BUD13: variants seen among roughly 807,000 people sequenced by gnomAD.
The protein encoded by BUD13 is BUD13 homolog.
A neutral mutation model predicts 62.5 loss-of-function variants in BUD13; 47 were observed. That is an observed-to-expected ratio of 0.75 (90% confidence interval 0.60 to 0.96). The LOEUF (loss-of-function observed/expected upper bound fraction) is 0.96, where lower values mean the gene tolerates loss of function less well. Among genes scored for constraint, BUD13 ranks in the 40% least tolerant of loss-of-function variants. BUD13 has a pLI of 0.00. For synonymous variants in BUD13, 293 were observed against 280.1 expected, an observed-to-expected ratio of 1.05 and a Z score of -0.46; for missense variants, 821 against 790.9, an observed-to-expected ratio of 1.04 and a Z score of -0.46.
intron 1 of BUD13, 90 bp downstream of exon 1, chr11:116,772,732 A>C: frequency 7.1e-7 from 1 of 1,402,724 alleles, no homozygotes. Flanking sequence ...GAGACCCGCC[A>C]AGAGGGAAGG....
intron 1 of BUD13, 118 bp downstream of exon 1, chr11:116,772,704 G>A: frequency 7.5e-7 from 1 of 1,328,466 alleles, no homozygotes; most frequent in South Asian, 1.6e-5. Context: ...CATGAGCAGG[G>A]GTCGGCGGAG....
At chr11:116,768,507 T>G (rs75348510) in intron 2 of BUD13, among the ~76,000 whole-genome samples, 2,141 of 152,308 alleles carry the variant, frequency 0.014, 28 homozygotes, top group African/African-American at 0.043. Flanking sequence ...AACATGCAAG[T>G]GTTTATTCTT....
chr11:116,762,753 G>C lies in BUD13; in HGVS notation c.836C>G (p.Thr279Ser). Reference protein sequence around the residue: ...HDSPDLAPNVTYSLPRTKSGK... With the variant: ...HDSPDLAPNVSYSLPRTKSGK... ...ACTTTTGGTTCTGGGCAGGGAATAAGTGACATTAGGAGCCAAATCAGGGGA... is the reference window on the plus strand; with the variant it reads ...ACTTTTGGTTCTGGGCAGGGAATAACTGACATTAGGAGCCAAATCAGGGGA... The change falls in exon 4 of 10, where the codon ACT becomes AGT. Residue 279 changes from threonine to serine, a missense_variant. Physicochemically the swap from Thr to Ser is moderately conservative, Grantham distance 58. This residue lies in a region of BUD13 where 800 missense variants were observed against 739.2 expected (regional missense o/e 1.08). Coordinates refer to ENST00000260210, the MANE Select transcript of BUD13 (RefSeq NM_032725.4). 6.2e-7 allele frequency: 1 copy of C among 1,614,190 alleles called. No individual in the cohort carries two copies. The highest frequency in any genetic ancestry group is 1.1e-5 in the South Asian group (1 of 91,084).
chr11:116,761,440 A>C (rs1940430819), intron 4 of BUD13, among the ~76,000 whole-genome samples: 1 of 152,234 alleles, frequency 6.6e-6, no homozygotes, highest in African/African-American at 2.4e-5. Context: ...ATGAAGAATT[A>C]TCATTAACCT....
intron 5 of BUD13, 152 bp from the exon 6 acceptor site, chr11:116,759,331 A>C (rs1437517079): frequency 1.7e-6 from 1 of 573,456 alleles, no homozygotes; most frequent in African/African-American, 1.9e-5. Flanking sequence ...CATAGGATTC[A>C]AAAACTATAA....
intron 9 of BUD13, among the ~76,000 whole-genome samples, chr11:116,751,169 ACTGT>A (rs1450110700): frequency 6.6e-6 from 1 of 152,204 alleles, no homozygotes; most frequent in East Asian, 1.9e-4. Context: ...CAGCGTTGAA[ACTGT>A]CTGTCTTCTA....
chr11:116,749,008 A>T (rs1423221178), intron 9 of BUD13, among the ~76,000 whole-genome samples: 3 of 151,174 alleles, frequency 2.0e-5, no homozygotes. Context: ...AAAAGAAAGA[A>T]AGAAACAAAA....
intron 2 of BUD13, among the ~76,000 whole-genome samples, chr11:116,768,323 G>A (rs1185886261): frequency 6.6e-6 from 1 of 151,980 alleles, no homozygotes; most frequent in African/African-American, 2.4e-5. Flanking sequence ...AATATTTTAA[G>A]GTCTTACCAG....
chr11:116,757,286 G>T, intron 8 of BUD13, 59 bp from the exon 9 acceptor site: 1 of 1,487,594 alleles, frequency 6.7e-7, no homozygotes, highest in Admixed American at 1.8e-5. Context: ...TTCAGAGCTG[G>T]ATGGCAATGT....
rs1236358470 is a variant in BUD13 at position 116,757,183 on chromosome 11, T to G, written c.1729A>C (p.Asn577His). ...TCCCAGCGATATCCAGGCCAGATAT[T>G]AAATCTGTTGGGAGGAGGTGCTGGA... is the stretch of plus-strand genomic sequence containing the variant. The part of the protein sequence containing the change: ...SGPAPPPNRF[N>H]IWPGYRWDGV... The change falls in exon 9 of 10, where the codon AAT becomes CAT. Residue 577 changes from asparagine to histidine, a missense_variant. Around this residue, in one of 2 missense-constraint regions of BUD13, gnomAD observed 800 missense variants for 739.2 expected, o/e 1.08. Transcript: ENST00000260210. 1.9e-6 allele frequency: 3 copies of G among 1,614,220 alleles called. No individual in the cohort carries two copies. The South Asian group carries it at 3.3e-5, about 18-fold the overall frequency.
intron 1 of BUD13, among the ~76,000 whole-genome samples, chr11:116,772,561 C>T (rs1223295083): frequency 6.6e-6 from 1 of 152,146 alleles, no homozygotes; most frequent in Non-Finnish European, 1.5e-5. Flanking sequence ...GGAAGTCTAC[C>T]AAGGCGGGAA....
intron 9 of BUD13, among the ~76,000 whole-genome samples, chr11:116,756,191 C>CA (rs34662207): frequency 9.4e-5 from 14 of 149,512 alleles, no homozygotes; most frequent in East Asian, 1.9e-4. Flanking sequence ...GACTCTGCCT[C>CA]AAAAAAAAAT....
intron 9 of BUD13, among the ~76,000 whole-genome samples, chr11:116,750,542 C>T (rs1940214859): frequency 2.6e-5 from 4 of 152,140 alleles, no homozygotes; most frequent in Admixed American, 2.6e-4. Flanking sequence ...CCCAAATCAG[C>T]AAACAGGTCC....
Position 116,750,385 on chromosome 11 carries a change from C to T in BUD13, c.1767-1810G>A, listed in dbSNP as rs1591294463. Among the ~76,000 whole-genome samples the T allele has an allele frequency of 2.6e-5, 4 of 152,298 alleles. No individual in the cohort carries two copies. The South Asian group carries it at 8.3e-4, about 32-fold the overall frequency. ...TTCTTATCTAAACTTCTTAAAAAGC[C>T]TGTATTCACTATTTGTTTCCTCACT... On this transcript the variant is annotated intron_variant, in intron 9 of 9. Transcript: ENST00000260210.
intron 4 of BUD13, among the ~76,000 whole-genome samples, chr11:116,762,106 T>C (rs944266117): frequency 1.3e-5 from 2 of 152,196 alleles, no homozygotes; most frequent in Admixed American, 6.5e-5. Flanking sequence ...AACATAAAGA[T>C]GTTTTATGGC....
At chr11:116,748,893 G>A (rs1422866074) in intron 9 of BUD13, among the ~76,000 whole-genome samples, 1 of 150,430 alleles carries the variant, frequency 6.6e-6, no homozygotes, top group Non-Finnish European at 1.5e-5. Flanking sequence ...GCTGACGCAG[G>A]AGAATCGCTT....
chr11:116,750,209 G>A (rs1251915431), intron 9 of BUD13, among the ~76,000 whole-genome samples: 2 of 152,176 alleles, frequency 1.3e-5, no homozygotes, highest in Non-Finnish European at 2.9e-5. Flanking sequence ...CTTAAGAGGT[G>A]CACAGAGGAA....
chr11:116,762,677 C>T lies in BUD13; in HGVS notation c.912G>A (p.Glu304=). The T allele has an allele frequency of 6.2e-7, 1 of 1,614,212 alleles. No homozygotes were observed. Among genetic ancestry groups the T allele is most frequent in the Non-Finnish European group, 8.5e-7 (1 of 1,180,036 alleles). ...ASSKTSPHWK[E]SGASHLSFPK... is the part of the protein sequence containing the mutation. ...GGAATGACAAATGGGAGGCTCCTGA[C>T]TCCTTCCAATGTGGAGAAGTCTTGC... Residue 304 remains glutamate (E), a synonymous_variant, in exon 4 of 10, where the codon GAG becomes GAA. Transcript: ENST00000260210.
intron 9 of BUD13, among the ~76,000 whole-genome samples, chr11:116,750,582 T>C (rs1164288243): frequency 6.6e-6 from 1 of 152,080 alleles, no homozygotes; most frequent in African/African-American, 2.4e-5. Context: ...ACATCCCCAC[T>C]TCCTATTCTC....
Sources: gnomAD v4.1 joint callset for allele counts (sites outside exome capture counted in the v4.1 genomes callset) on GRCh38, gnomAD v4.1.1 for gene constraint, gnomAD v4.1.1 regional missense constraint, MANE v1.5 for transcripts, NCBI Gene and HGNC (gene_info 2026-07-23, HGNC 2026-07-21) for gene names.